PLEKHA5: variants seen among roughly 807,000 people sequenced by gnomAD.
The protein encoded by PLEKHA5 is pleckstrin homology domain-containing family A member 5.
A neutral mutation model predicts 181.9 loss-of-function variants in PLEKHA5; 55 were observed. That is an observed-to-expected ratio of 0.30 (90% CI 0.24 to 0.38). PLEKHA5 has a LOEUF of 0.38. Among genes scored for constraint, PLEKHA5 ranks in the 10% least tolerant of loss-of-function variants. The pLI is 1.00. For synonymous variants in PLEKHA5, 535 were observed against 529.4 expected (o/e 1.01, Z -0.15); for missense variants, 1,432 against 1,549.5 (o/e 0.92, Z 1.27).
At chr12:19,179,368 A>C (rs995783493) in intron 3 of PLEKHA5, among the ~76,000 whole-genome samples, 1 of 152,170 alleles carries the variant, frequency 6.6e-6, no homozygotes, top group Non-Finnish European at 1.5e-5. Context: ...CAAAAGAATG[A>C]AGTGTTGGCC....
intron 3 of PLEKHA5, among the ~76,000 whole-genome samples, chr12:19,199,446 T>C (rs2053682739): frequency 6.6e-6 from 1 of 152,180 alleles, no homozygotes; most frequent in African/African-American, 2.4e-5. Context: ...GTGGTGGCAG[T>C]GATGGCAGCA....
intron 28 of PLEKHA5, 44 bp from the exon 29 acceptor site, chr12:19,361,538 G>A (rs1297372026): frequency 3.0e-6 from 3 of 1,001,986 alleles, no homozygotes; most frequent in South Asian, 2.9e-5. Flanking sequence ...AATCTAATGT[G>A]ATAAGAATTC....
chr12:19,280,036 GTTTTTTTTTTT>G (rs869050795), intron 11 of PLEKHA5, among the ~76,000 whole-genome samples: 127 of 54,510 alleles, frequency 2.3e-3, no homozygotes, highest in African/African-American at 7.2e-3. Flanking sequence ...AATGAAACCT[GTTTTTTTTTTT>G]TTTTTTTTTT....
chr12:19,259,155 G>A (rs904711968), intron 6 of PLEKHA5, among the ~76,000 whole-genome samples: 1 of 151,222 alleles, frequency 6.6e-6, no homozygotes. Context: ...CCAGGAGTTC[G>A]AGACCAGCTT....
At chr12:19,213,687 G>A (rs1251803444) in intron 3 of PLEKHA5, among the ~76,000 whole-genome samples, 6 of 152,162 alleles carry the variant, frequency 3.9e-5, no homozygotes, top group South Asian at 2.1e-4. Flanking sequence ...ATGGGACAAG[G>A]ATTTTAAACT....
chr12:19,174,654 T>TGACA (rs2046770300), intron 3 of PLEKHA5, among the ~76,000 whole-genome samples: 1 of 152,182 alleles, frequency 6.6e-6, no homozygotes, highest in African/African-American at 2.4e-5. Flanking sequence ...AGGGCTAAGG[T>TGACA]GACACCTAGG....
At chr12:19,209,998 C>T (rs2056582689) in intron 3 of PLEKHA5, among the ~76,000 whole-genome samples, 1 of 152,052 alleles carries the variant, frequency 6.6e-6, no homozygotes, top group East Asian at 1.9e-4. Context: ...ATCTCATCAT[C>T]CTGTTTTGGC....
rs1329300273 is a variant in PLEKHA5, at chr12:19,320,046, G to A, written c.2144G>A (p.Ser715Asn). The A allele has an allele frequency of 4.1e-6, 5 of 1,208,356 alleles. No homozygotes were observed. The highest frequency in any genetic ancestry group is 5.8e-6 in the Non-Finnish European group (5 of 864,080). The allele number at this position is 1,208,356 out of a possible 1,614,324, so 74.9% of individuals were successfully genotyped here. A position where few individuals can be genotyped will look rare whatever the true frequency, so the allele number is the denominator to read the frequency against. ...TTCTTAAGACAGAAGAGCAAGATAAGTCTATATTGTGTATGTGTGTTTATA... is the reference window on the plus strand; with the variant it reads ...TTCTTAAGACAGAAGAGCAAGATAAATCTATATTGTGTATGTGTGTTTATA... The part of the protein sequence containing the change: ...QQFLRQKSKI[S>N]LYCLSQDEGR... The change falls in exon 17 of 32, where the codon AGT (serine) becomes AAT (asparagine). Residue 715 changes from serine (S) to asparagine (N), a missense_variant. Ser to Asn is a conservative substitution (Grantham distance 46). This residue lies in a region of PLEKHA5 where 1,143 missense variants were observed against 1,168.4 expected (regional missense o/e 0.98). Transcript: ENST00000429027.
chr12:19,213,426 T>G (rs2057356673), intron 3 of PLEKHA5, among the ~76,000 whole-genome samples: 2 of 152,076 alleles, frequency 1.3e-5, no homozygotes, highest in Admixed American at 1.3e-4. Flanking sequence ...TGCTAGAGTA[T>G]TCAATGTGAG....
chr12:19,165,494 G>A (rs568355264), intron 3 of PLEKHA5, among the ~76,000 whole-genome samples: 27 of 151,558 alleles, frequency 1.8e-4, no homozygotes, highest in African/African-American at 6.5e-4. Flanking sequence ...CTTATTTCTG[G>A]GTAGGAACTT....
rs769470202 is a variant in PLEKHA5 at position 19,257,417 on chromosome 12, C to T, written c.433-16C>T. 2 of 1,287,498 alleles carry T rather than the reference C, an allele frequency of 1.6e-6. No individual in the cohort carries two copies. Among genetic ancestry groups the T allele is most frequent in the East Asian group, 2.3e-5 (1 of 42,652 alleles). The allele number at this position is 1,287,498 out of a possible 1,614,324, so 79.8% of individuals were successfully genotyped here. Reference sequence around the variant, plus strand: ...CATTAATACCACATTTTCTGTCATGCTCTTTTTCTATTTAGACTTCACGAG... The same window carrying T: ...CATTAATACCACATTTTCTGTCATGTTCTTTTTCTATTTAGACTTCACGAG... On this transcript the variant is annotated splice_polypyrimidine_tract_variant and intron_variant, in intron 5 of 31. Transcript: ENST00000429027.
intron 20 of PLEKHA5, among the ~76,000 whole-genome samples, chr12:19,329,348 C>T (rs991605485): frequency 6.6e-6 from 1 of 152,050 alleles, no homozygotes; most frequent in African/African-American, 2.4e-5. Flanking sequence ...ATGTTGGCTT[C>T]ATAGAATGAG....
intron 3 of PLEKHA5, chr12:19,151,016 G>C (rs1591820257): frequency 1.3e-5 from 2 of 152,328 alleles, no homozygotes; most frequent in South Asian, 2.1e-4. Flanking sequence ...TTGGAGATTT[G>C]GTGTTGCAGT....
intron 3 of PLEKHA5, among the ~76,000 whole-genome samples, chr12:19,182,295 T>C (rs1160541824): frequency 6.6e-6 from 1 of 152,224 alleles, no homozygotes; most frequent in Non-Finnish European, 1.5e-5. Context: ...TTTCTTTCTT[T>C]CTTTTATTAT....
intron 3 of PLEKHA5, among the ~76,000 whole-genome samples, chr12:19,202,814 A>G (rs538136097): frequency 2.0e-4 from 30 of 152,178 alleles, no homozygotes; most frequent in Middle Eastern, 3.4e-3. Context: ...TTAAGTCATG[A>G]GCGAGATCCA....
chr12:19,375,314 C>T (rs914898238), intron 31 of PLEKHA5, among the ~76,000 whole-genome samples: 2 of 151,654 alleles, frequency 1.3e-5, no homozygotes, highest in Non-Finnish European at 2.9e-5. Context: ...ATAGTGATAC[C>T]CTGTCTCAAA....
intron 3 of PLEKHA5, chr12:19,205,481 T>G (rs937363726): frequency 2.9e-5 from 15 of 524,234 alleles, no homozygotes; most frequent in Non-Finnish European, 3.7e-5. Flanking sequence ...TTTGCTCTAA[T>G]CGGTCAGTTA....
intron 20 of PLEKHA5, among the ~76,000 whole-genome samples, chr12:19,328,032 T>G (rs992719091): frequency 2.0e-5 from 3 of 152,222 alleles, no homozygotes; most frequent in Non-Finnish European, 4.4e-5. Context: ...AACGGGTCAG[T>G]TTCATTCTTC....
At chr12:19,371,556 A>G (rs763768162) in intron 31 of PLEKHA5, 1 of 174,716 alleles carries the variant, frequency 5.7e-6, no homozygotes, top group Non-Finnish European at 1.2e-5. Flanking sequence ...GTGAGAACAT[A>G]TGATATTTGG....
Sources: gnomAD v4.1 joint callset for allele counts (sites outside exome capture counted in the v4.1 genomes callset) on GRCh38, gnomAD v4.1.1 for gene constraint, gnomAD v4.1.1 regional missense constraint, MANE v1.5 for transcripts, NCBI Gene and HGNC (gene_info 2026-07-23, HGNC 2026-07-21) for gene names.